Variants in LRRC37A2 observed in about 807,000 individuals in gnomAD.
LRRC37A2 encodes the protein leucine-rich repeat-containing protein 37A2.
In LRRC37A2, 9 loss-of-function variants were observed where a neutral mutation model predicts 68.8. That is an observed-to-expected ratio of 0.13 (90% CI 0.08 to 0.23). The LOEUF (loss-of-function observed/expected upper bound fraction) is 0.23, where lower values mean the gene tolerates loss of function less well. LRRC37A2 is among the 10% of genes least tolerant of loss of function. The probability of loss-of-function intolerance (pLI) is 1.00; values close to 1 mark genes in which losing one functional copy is unlikely to be tolerated. For missense variants in LRRC37A2, 168 were observed against 950.4 expected, an observed-to-expected ratio of 0.18 and a Z score of 10.82; for synonymous variants, 63 against 367.6, an observed-to-expected ratio of 0.17 and a Z score of 9.48.
At chr17:46,956,016 C>T in the LRRC37A2 span, among the ~76,000 whole-genome samples, 1 of 152,112 alleles carries the variant, frequency 6.6e-6, no homozygotes, top group Non-Finnish European at 1.5e-5. Flanking sequence ...TTTCCATGCC[C>T]CATGGAGCCT....
the LRRC37A2 span, among the ~76,000 whole-genome samples, chr17:46,819,041 C>A: frequency 3.1e-3 from 476 of 152,286 alleles, no homozygotes; most frequent in Middle Eastern, 0.014. The surrounding 1 kb of genome is among the most constrained non-coding windows in gnomAD (Gnocchi z 5.3). Flanking sequence ...ATGGCGAGGG[C>A]TTGGCGTGGG....
the LRRC37A2 span, among the ~76,000 whole-genome samples, chr17:46,808,669 T>C: frequency 1.6e-4 from 24 of 152,180 alleles, no homozygotes; most frequent in Non-Finnish European, 2.6e-4. Context: ...AACCTGTTCC[T>C]AGATAGAGAA....
At chr17:46,846,842 G>T in the LRRC37A2 span, among the ~76,000 whole-genome samples, 1 of 152,222 alleles carries the variant, frequency 6.6e-6, no homozygotes, top group African/African-American at 2.4e-5. Context: ...GTGCCATGGG[G>T]AGTGGTGAGC....
the LRRC37A2 span, among the ~76,000 whole-genome samples, chr17:46,991,615 AAAAATAAAATAAAAT>A: frequency 1.5e-4 from 22 of 150,560 alleles, no homozygotes; most frequent in African/African-American, 4.6e-4. Context: ...TCCATCTCAA[AAAAATAAAATAAAAT>A]AAAATAAAAT....
chr17:46,739,692 A>G, the LRRC37A2 span, among the ~76,000 whole-genome samples: 1 of 151,442 alleles, frequency 6.6e-6, no homozygotes, highest in African/African-American at 2.4e-5. Flanking sequence ...ATATATTACT[A>G]TATTAATATT....
At chr17:46,985,393 G>A in the LRRC37A2 span, among the ~76,000 whole-genome samples, 3 of 151,978 alleles carry the variant, frequency 2.0e-5, no homozygotes, top group East Asian at 1.9e-4. Context: ...GGTGGTGCAC[G>A]CCTGTAATCC....
At chr17:47,035,662 T>C in the LRRC37A2 span, among the ~76,000 whole-genome samples, 2 of 152,248 alleles carry the variant, frequency 1.3e-5, no homozygotes, top group Non-Finnish European at 2.9e-5. Flanking sequence ...ATGTTTTTAA[T>C]TCTAGGGTGC....
the LRRC37A2 span, among the ~76,000 whole-genome samples, chr17:46,966,056 T>C: frequency 1.3e-5 from 2 of 152,204 alleles, no homozygotes; most frequent in Admixed American, 1.3e-4. Context: ...AACCATCTAC[T>C]AATCTACTTA....
At chr17:46,845,785 C>CTT in the LRRC37A2 span, among the ~76,000 whole-genome samples, 433 of 86,748 alleles carry the variant, frequency 5.0e-3, no homozygotes, top group Non-Finnish European at 7.6e-3. Context: ...ACTGTGCTGG[C>CTT]TTTTTTTTTT....
At chr17:46,472,962 G>T in the LRRC37A2 span, among the ~76,000 whole-genome samples, 1 of 65,490 alleles carries the variant, frequency 1.5e-5, no homozygotes, top group Admixed American at 1.5e-4. Context: ...GATGGGAAAG[G>T]GTTTAAAATA....
At chr17:46,954,353 C>T in the LRRC37A2 span, among the ~76,000 whole-genome samples, 6 of 152,072 alleles carry the variant, frequency 3.9e-5, no homozygotes, top group East Asian at 1.9e-4. Context: ...AGTAGATAAG[C>T]GGCATTATTT....
chr17:46,779,478 C>T, the LRRC37A2 span, among the ~76,000 whole-genome samples: 1,819 of 152,298 alleles, frequency 0.012, 36 homozygotes, highest in African/African-American at 0.041. Flanking sequence ...GAAGCCGGCT[C>T]ATCCTCCACT....
the LRRC37A2 span, among the ~76,000 whole-genome samples, chr17:46,388,433 A>G: frequency 1.6e-5 from 1 of 61,338 alleles, no homozygotes; most frequent in Non-Finnish European, 4.3e-5. Context: ...GTGGTGGCGC[A>G]TGCCTGTAAT....
the LRRC37A2 span, among the ~76,000 whole-genome samples, chr17:46,991,286 C>T: frequency 6.6e-6 from 1 of 152,156 alleles, no homozygotes; most frequent in Non-Finnish European, 1.5e-5. Context: ...CTGTTGCTTA[C>T]ATGAGCCTTA....
At chr17:47,034,155 G>A in the LRRC37A2 span, among the ~76,000 whole-genome samples, 1 of 152,306 alleles carries the variant, frequency 6.6e-6, no homozygotes, top group South Asian at 2.1e-4. Flanking sequence ...GGGCTACAAA[G>A]TGAGACCCCA....
the LRRC37A2 span, among the ~76,000 whole-genome samples, chr17:46,959,323 A>G: frequency 6.6e-6 from 1 of 152,246 alleles, no homozygotes; most frequent in African/African-American, 2.4e-5. Context: ...TTTTTGGAGT[A>G]ACATAAATCC....
chr17:46,972,728 C>G, the LRRC37A2 span, among the ~76,000 whole-genome samples: 2 of 152,194 alleles, frequency 1.3e-5, no homozygotes, highest in African/African-American at 4.8e-5. Context: ...CTGGCTGACG[C>G]TGGCTACCCA....
chr17:46,828,286 T>C, the LRRC37A2 span, among the ~76,000 whole-genome samples: 2 of 151,134 alleles, frequency 1.3e-5, no homozygotes, highest in South Asian at 4.2e-4. Flanking sequence ...GACCTCCATC[T>C]CCCAGGATCT....
At chr17:46,595,336 C>G in the LRRC37A2 span, among the ~76,000 whole-genome samples, 2 of 65,122 alleles carry the variant, frequency 3.1e-5, no homozygotes, top group African/African-American at 3.3e-4. Context: ...CACCTTGTTG[C>G]AATACTTTTA....
Sources: allele counts gnomAD v4.1 joint callset (sites outside exome capture counted in the v4.1 genomes callset), GRCh38; gene constraint gnomAD v4.1.1; non-coding constraint Gnocchi (gnomAD v3.1); transcripts MANE v1.5; gene names NCBI Gene and HGNC (gene_info 2026-07-23, HGNC 2026-07-21).